The following CTBP1 variants were observed in gnomAD, a reference collection of about 807,000 sequenced individuals.
CTBP1 encodes the protein C-terminal binding protein 1.
In CTBP1, 11 loss-of-function variants were observed where a neutral mutation model predicts 42.1. The observed-to-expected ratio is 0.26, with a 90% CI of 0.16 to 0.43. CTBP1 has a LOEUF of 0.43. Among genes scored for constraint, CTBP1 ranks in the 20% least tolerant of loss-of-function variants. The pLI is 1.00. For synonymous variants in CTBP1, 324 were observed against 277.1 expected, an observed-to-expected ratio of 1.17 and a Z score of -1.68; for missense variants, 399 against 624.3, an observed-to-expected ratio of 0.64 and a Z score of 3.85.
At chr4:1,214,297 T>C (rs367761264) in intron 7 of CTBP1, 46 bp downstream of exon 7, 11 of 1,506,638 alleles carry the variant, frequency 7.3e-6, no homozygotes, top group Non-Finnish European at 9.7e-6. Context: ...GCCGGCAGGA[T>C]GGTGGACAGG....
upstream of CTBP1, chr4:1,250,290 G>A (rs1004416941): frequency 4.2e-6 from 1 of 235,948 alleles, no homozygotes; most frequent in Non-Finnish European, 8.7e-6. Context: ...GACCTGCCCT[G>A]CGTGCCACGT....
intron 1 of CTBP1, chr4:1,245,722 G>C: frequency 1.0e-6 from 1 of 974,504 alleles, no homozygotes; most frequent in Non-Finnish European, 1.2e-6. Context: ...GGCACAAGCA[G>C]GTCAGGGTGG....
chr4:1,243,124 G>A (rs940665244), intron 1 of CTBP1: 115 of 985,294 alleles, frequency 1.2e-4, no homozygotes, highest in Non-Finnish European at 1.3e-4. Context: ...GCTGCTGCTC[G>A]TCAAGACCGG....
intron 5 of CTBP1, chr4:1,223,389 A>C: frequency 2.2e-6 from 1 of 454,218 alleles, no homozygotes; most frequent in Non-Finnish European, 4.4e-6. Flanking sequence ...CACGTGTTCC[A>C]TGCACATCCG....
rs367682304 is a variant in CTBP1, at chr4:1,220,296, A to C, written c.515-4091T>G. 7.8e-4 allele frequency among the ~76,000 whole-genome samples: 119 copies of C among 152,246 alleles called. 2 individuals are homozygous for C. The South Asian group carries it at 0.02, about 25-fold the overall frequency. On this transcript the variant is annotated intron_variant, in intron 5 of 9. Transcript: ENST00000382952. ...ACAGAGCAAGACTGTCTCCAAAAAA[A>C]AAAAAAGAAAAAAAGAATTAAACAT...
At chr4:1,236,347 A>C in intron 3 of CTBP1, 3 of 442,234 alleles carry the variant, frequency 6.8e-6, no homozygotes, top group Non-Finnish European at 1.2e-5. Context: ...AAAGCTGCCC[A>C]AAGGCTGCTC....
At position 1,218,997 on chromosome 4, in the gene CTBP1, G is replaced by C. The variant is rs192497529; in HGVS notation, c.515-2792C>G. ...GACTGTCAGACTGAAAAAAGAAAGAGGAACTAACTCTATACTATTAATAAC... is the reference window on the plus strand; with the variant it reads ...GACTGTCAGACTGAAAAAAGAAAGACGAACTAACTCTATACTATTAATAAC... On this transcript the variant is annotated intron_variant, in intron 5 of 9. Transcript: ENST00000382952. Among the ~76,000 whole-genome samples, 4 of 152,106 alleles carry C rather than the reference G, an allele frequency of 2.6e-5. No individual in the cohort carries two copies. In the East Asian group the frequency reaches 7.7e-4, roughly 29 times the overall value.
chr4:1,215,804 TCAGAACA>T, intron 6 of CTBP1, 180 bp downstream of exon 6: 2 of 626,302 alleles, frequency 3.2e-6, no homozygotes, highest in Non-Finnish European at 5.6e-6. Context: ...TGAGTAGAAC[TCAGAACA>T]CAGAAAACGC....
In CTBP1 at chr4:1,212,012, C is replaced by T; in HGVS notation, c.*228G>A. 1 of 388,578 alleles carries T rather than the reference C, an allele frequency of 2.6e-6. No homozygotes were observed. The highest frequency in any genetic ancestry group is 4.5e-6 in the Non-Finnish European group (1 of 219,898). 24.1% of individuals were successfully genotyped at this position (388,578 alleles called of 1,614,324 possible). The stretch of plus-strand genomic sequence containing the variant: ...AAGAACGTTCATGGGAGAATAACTA[C>T]TGACTTCTTCTGCTTAACGAGGAAC... On this transcript the variant is annotated 3_prime_UTR_variant, in exon 10 of 10. Transcript: ENST00000382952.
chr4:1,225,621 G>C, intron 4 of CTBP1, 55 bp from the exon 5 acceptor site: 1 of 1,493,032 alleles, frequency 6.7e-7, no homozygotes, highest in South Asian at 1.2e-5. Flanking sequence ...CCTCCGGGAG[G>C]ACACCGGGGC....
At chr4:1,248,876 C>A in intron 1 of CTBP1, 40 bp downstream of exon 1, 1 of 959,798 alleles carries the variant, frequency 1.0e-6, no homozygotes, top group Non-Finnish European at 1.2e-6. Context: ...CCCGCCCCGC[C>A]CCCGCCCGCG....
intron 7 of CTBP1, 41 bp downstream of exon 7, chr4:1,214,302 G>C: frequency 6.6e-7 from 1 of 1,516,974 alleles, no homozygotes; most frequent in African/African-American, 1.5e-5. Flanking sequence ...CAGGATGGTG[G>C]ACAGGGAAGA....
At chr4:1,247,750 C>A (rs914878233) in intron 1 of CTBP1, among the ~76,000 whole-genome samples, 3 of 65,316 alleles carry the variant, frequency 4.6e-5, no homozygotes, top group Non-Finnish European at 3.8e-5. Context: ...CCTACAGAAA[C>A]GGTGGAGAGG....
intron 5 of CTBP1, among the ~76,000 whole-genome samples, chr4:1,223,215 G>C (rs1001848981): frequency 2.0e-4 from 31 of 151,788 alleles, no homozygotes; most frequent in Non-Finnish European, 3.8e-4. Context: ...CCACACATGC[G>C]GGCCATGGCC....
intron 1 of CTBP1, among the ~76,000 whole-genome samples, chr4:1,246,678 G>C (rs542069284): frequency 6.6e-6 from 1 of 152,200 alleles, no homozygotes; most frequent in Admixed American, 6.5e-5. Context: ...AGTTGAGAGG[G>C]CAAGTGACAG....
intron 1 of CTBP1, among the ~76,000 whole-genome samples, chr4:1,248,025 G>C (rs1039424833): frequency 6.6e-6 from 1 of 152,254 alleles, no homozygotes; most frequent in Non-Finnish European, 1.5e-5. Flanking sequence ...CTCCAGTCTC[G>C]GCCCGGGGCT....
chr4:1,241,847 A>C, intron 1 of CTBP1: 1 of 1,150,844 alleles, frequency 8.7e-7, no homozygotes, highest in Non-Finnish European at 1.1e-6. Flanking sequence ...GTGTCCAAGA[A>C]CCAGGGGACG....
At chr4:1,239,662 G>C (rs1731952796) in intron 2 of CTBP1, among the ~76,000 whole-genome samples, 1 of 152,226 alleles carries the variant, frequency 6.6e-6, no homozygotes, top group African/African-American at 2.4e-5. Flanking sequence ...GCCTGCAGGG[G>C]ACGGGGCATG....
chr4:1,236,343 GC>G, intron 3 of CTBP1: 1 of 435,400 alleles, frequency 2.3e-6, no homozygotes, highest in Non-Finnish European at 4.1e-6. Flanking sequence ...CAGGAAAGCT[GC>G]CCAAAGGCTG....
Sources: gnomAD v4.1 joint callset for allele counts (sites outside exome capture counted in the v4.1 genomes callset) on GRCh38, gnomAD v4.1.1 for gene constraint, MANE v1.5 for transcripts, NCBI Gene and HGNC (gene_info 2026-07-23, HGNC 2026-07-21) for gene names.